Variants in GLRA2 observed in about 807,000 individuals in gnomAD.
GLRA2 encodes the protein glycine receptor alpha 2, also known as glycine receptor subunit alpha-2.
GLRA2 carries 11 observed loss-of-function variants against 31.6 expected under a neutral mutation model. The observed-to-expected ratio is 0.35, with a 90% confidence interval of 0.22 to 0.58. The LOEUF (loss-of-function observed/expected upper bound fraction) is 0.58. GLRA2 is among the 20% of genes least tolerant of loss of function. GLRA2 has a pLI of 0.84. For missense variants in GLRA2, 212 were observed against 351.8 expected (o/e 0.60, Z 3.18); for synonymous variants, 132 against 134.0 (o/e 0.99, Z 0.10).
intron 4 of GLRA2, among the ~76,000 whole-genome samples, chrX:14,601,455 A>G (rs755192149): frequency 1.8e-5 from 2 of 112,035 alleles, no homozygotes; most frequent in South Asian, 7.3e-4. Flanking sequence ...TAATTACACA[A>G]AGATGGGAAA....
the GLRA2 span, among the ~76,000 whole-genome samples, chrX:14,484,771 A>C: frequency 2.7e-5 from 3 of 111,853 alleles, no homozygotes; most frequent in African/African-American, 9.8e-5. Context: ...TCTGAAGGGC[A>C]CATAGTTAAT....
At chrX:14,495,435 T>C in the GLRA2 span, among the ~76,000 whole-genome samples, 1 of 110,224 alleles carries the variant, frequency 9.1e-6, no homozygotes, top group African/African-American at 3.3e-5. Context: ...GGTTCTACTC[T>C]ACCATCTAGA....
intron 7 of GLRA2, among the ~76,000 whole-genome samples, chrX:14,650,202 TG>T (rs1198383609): frequency 9.0e-6 from 1 of 111,383 alleles, no homozygotes; most frequent in Non-Finnish European, 1.9e-5. Context: ...TTTTTAAAAC[TG>T]TGTTTTAATC....
chrX:14,586,891 A>G (rs1329936796), intron 4 of GLRA2, among the ~76,000 whole-genome samples: 2 of 112,015 alleles, frequency 1.8e-5, no homozygotes, highest in African/African-American at 6.5e-5. Context: ...TATGACTTTT[A>G]TAGAAGGATT....
upstream of GLRA2, among the ~76,000 whole-genome samples, chrX:14,528,422 A>G (rs1164969715): frequency 1.8e-5 from 2 of 112,290 alleles, no homozygotes; most frequent in African/African-American, 6.5e-5. Flanking sequence ...AGTAAAGCAC[A>G]TAGGTGACTA....
intron 5 of GLRA2, among the ~76,000 whole-genome samples, chrX:14,606,125 G>C (rs1176507083): frequency 9.9e-6 from 1 of 100,741 alleles, no homozygotes; most frequent in East Asian, 3.1e-4. Flanking sequence ...TCACTATCTT[G>C]CAGTAAATAA....
At chrX:14,701,982 G>A (rs760648544) in intron 8 of GLRA2, among the ~76,000 whole-genome samples, 1 of 112,349 alleles carries the variant, frequency 8.9e-6, no homozygotes, top group South Asian at 3.7e-4. Context: ...TTAAAGTGAT[G>A]ACTGAGGACA....
the GLRA2 span, among the ~76,000 whole-genome samples, chrX:14,464,976 A>G: frequency 8.9e-6 from 1 of 111,880 alleles, no homozygotes; most frequent in African/African-American, 3.2e-5. Flanking sequence ...TGCTTTGACT[A>G]TTTGAGGTCT....
At chrX:14,483,492 C>A in the GLRA2 span, among the ~76,000 whole-genome samples, 1 of 112,061 alleles carries the variant, frequency 8.9e-6, no homozygotes, top group African/African-American at 3.2e-5. Context: ...ACACTTAGAA[C>A]TGTATGATAA....
intron 8 of GLRA2, 144 bp from the exon 9 acceptor site, chrX:14,730,063 C>A: frequency 2.0e-6 from 1 of 499,701 alleles, no homozygotes; most frequent in Non-Finnish European, 3.6e-6. Context: ...TTGAGTTGAA[C>A]TTGAAAGAGA....
chrX:14,709,102 G>A (rs1251120184), intron 8 of GLRA2, among the ~76,000 whole-genome samples: 2 of 111,281 alleles, frequency 1.8e-5, no homozygotes, highest in African/African-American at 3.3e-5. Context: ...GGGCCCAGTG[G>A]TGCATGCCTG....
intron 4 of GLRA2, among the ~76,000 whole-genome samples, chrX:14,588,987 A>G (rs750066814): frequency 4.5e-5 from 5 of 111,939 alleles, no homozygotes; most frequent in South Asian, 3.7e-4. Context: ...CTGAGTCTTT[A>G]GGGTTTTCTA....
chrX:14,604,386 A>G lies in GLRA2; in HGVS notation c.566A>G (p.Gln189Arg). 2 of 1,140,902 alleles carry G rather than the reference A, an allele frequency of 1.8e-6. No individual in the cohort carries two copies. Among genetic ancestry groups the G allele is most frequent in the Non-Finnish European group, 2.4e-6 (2 of 832,928 alleles). 94.0% of individuals were successfully genotyped at this position (1,140,902 alleles called of 1,213,427 possible). ...ATGGATGTCCAGACCTGTACAATGC[A>G]GCTGGAGAGTTGTAAGTCACCACTG... ...FPMDVQTCTM[Q>R]LESFGYTMND... The change falls in exon 5 of 9, where the codon CAG becomes CGG. Residue 189 changes from glutamine (Q) to arginine (R), a missense_variant. Gln to Arg is a conservative substitution (Grantham distance 43). Coordinates refer to ENST00000218075, the MANE Select transcript of GLRA2 (RefSeq NM_002063.4).
chrX:14,516,825 C>T, the GLRA2 span, among the ~76,000 whole-genome samples: 129 of 111,473 alleles, frequency 1.2e-3, no homozygotes, highest in African/African-American at 4.2e-3. Flanking sequence ...CCCAGGTGAA[C>T]TCCTATTCAG....
At position 14,617,068 on chromosome X, in the gene GLRA2, T is replaced by C. The variant is rs1325362373; in HGVS notation, c.930+7863T>C. Among the ~76,000 whole-genome samples the C allele has an allele frequency of 8.9e-5, 10 of 111,868 alleles. No homozygotes were observed. The Admixed American group carries it at 9.5e-4, about 11-fold the overall frequency. ...TAGTTTAAGAATGTTGTTGGCAGCC[T>C]TTGCAGGGAAGCTGACAGTGAGAGA... On this transcript the variant is annotated intron_variant, in intron 7 of 8. Coordinates refer to ENST00000218075, the MANE Select transcript of GLRA2 (RefSeq NM_002063.4).
chrX:14,715,153 T>G (rs2091767643), intron 8 of GLRA2, among the ~76,000 whole-genome samples: 1 of 112,369 alleles, frequency 8.9e-6, no homozygotes, highest in African/African-American at 3.2e-5. Flanking sequence ...TCTTTTAAGA[T>G]TCTTAACAGG....
At chrX:14,662,769 T>C (rs2091003985) in intron 7 of GLRA2, among the ~76,000 whole-genome samples, 1 of 111,936 alleles carries the variant, frequency 8.9e-6, no homozygotes, top group African/African-American at 3.2e-5. Flanking sequence ...ATAAAAGGAT[T>C]AAAACATAGG....
intron 7 of GLRA2, among the ~76,000 whole-genome samples, chrX:14,671,418 G>C (rs2091091813): frequency 8.9e-6 from 1 of 112,266 alleles, no homozygotes; most frequent in Admixed American, 9.4e-5. Context: ...AATGTAAATA[G>C]TGAAAAGAGA....
chrX:14,628,758 A>G (rs1488148387), intron 7 of GLRA2, among the ~76,000 whole-genome samples: 1 of 111,889 alleles, frequency 8.9e-6, no homozygotes, highest in Non-Finnish European at 1.9e-5. Flanking sequence ...GTGTGGCTGG[A>G]ATGTAGAGGA....
Sources: gnomAD v4.1 joint callset for allele counts (sites outside exome capture counted in the v4.1 genomes callset) on GRCh38, gnomAD v4.1.1 for gene constraint, MANE v1.5 for transcripts, NCBI Gene and HGNC (gene_info 2026-07-23, HGNC 2026-07-21) for gene names.